CR1L: variants seen among roughly 807,000 people sequenced by gnomAD.
CR1L encodes the protein complement component receptor 1-like protein.
CR1L carries 59 observed loss-of-function variants against 62.3 expected under a neutral mutation model. That is an observed-to-expected ratio of 0.95 (90% CI 0.77 to 1.18). CR1L has a LOEUF of 1.18. Ranked by LOEUF, CR1L falls within the 50% of genes most tolerant of loss-of-function variation. The pLI is 0.00. For synonymous variants in CR1L, 279 were observed against 248.7 expected, an observed-to-expected ratio of 1.12 and a Z score of -1.15; for missense variants, 700 against 702.8, an observed-to-expected ratio of 1.00 and a Z score of 0.04.
At chr1:207,692,563 C>CACCT (rs1168800062) in intron 4 of CR1L, among the ~76,000 whole-genome samples, 5 of 152,160 alleles carry the variant, frequency 3.3e-5, no homozygotes, top group African/African-American at 9.7e-5. Flanking sequence ...CTGCCGTGAC[C>CACCT]ACCTCTCAGT....
intron 1 of CR1L, among the ~76,000 whole-genome samples, chr1:207,649,689 T>A (rs893265211): frequency 6.6e-6 from 1 of 152,162 alleles, no homozygotes; most frequent in African/African-American, 2.4e-5. Flanking sequence ...CTAACTGGAA[T>A]GTATTCTTGG....
At chr1:207,719,513 A>G (rs886464046) in intron 11 of CR1L, among the ~76,000 whole-genome samples, 1 of 152,060 alleles carries the variant, frequency 6.6e-6, no homozygotes, top group East Asian at 1.9e-4. Context: ...TGAGCCCAGG[A>G]GTTCAAGTGC....
At chr1:207,645,599 G>A (rs1663109242) in intron 1 of CR1L, among the ~76,000 whole-genome samples, 1 of 152,180 alleles carries the variant, frequency 6.6e-6, no homozygotes, top group Non-Finnish European at 1.5e-5. Context: ...AGCGTGAATC[G>A]TGTTTTCGGG....
chr1:207,708,862 A>C (rs1664310152), intron 10 of CR1L: 1 of 406,778 alleles, frequency 2.5e-6, no homozygotes, highest in African/African-American at 2.1e-5. Context: ...AAGTGGGAAC[A>C]AACTTTGTAG....
At chr1:207,713,682 G>A (rs1653888034) in intron 10 of CR1L, among the ~76,000 whole-genome samples, 1 of 152,274 alleles carries the variant, frequency 6.6e-6, no homozygotes, top group Admixed American at 6.5e-5. Context: ...CGGGCTCCGT[G>A]CAAGGCTTGT....
rs1558016241 is a variant in CR1L at position 207,677,568 on chromosome 1, CG to C, written c.277+1del. The C allele has an allele frequency of 6.2e-6, 10 of 1,612,144 alleles. No individual in the cohort carries two copies. Among genetic ancestry groups the C allele is most frequent in the Non-Finnish European group, 8.5e-6 (10 of 1,179,304 alleles). Reference sequence around the variant, plus strand: ...GACAAGTGCTAAGGACAAGTGCAAACGTAAGTAACTCTGGAGTGGGAACCCC... The same window carrying C: ...GACAAGTGCTAAGGACAAGTGCAAACTAAGTAACTCTGGAGTGGGAACCCC... On this transcript the variant is annotated splice_donor_variant, in intron 2 of 11. Coordinates refer to ENST00000508064, the MANE Select transcript of CR1L (RefSeq NM_175710.2). LOFTEE classifies it high-confidence loss of function.
intron 3 of CR1L, among the ~76,000 whole-genome samples, chr1:207,682,691 G>T (rs1663818996): frequency 6.6e-6 from 1 of 152,120 alleles, no homozygotes; most frequent in African/African-American, 2.4e-5. Context: ...CAATAACCAT[G>T]ACTGTTACTT....
At chr1:207,681,330 C>T (rs1213492077) in intron 3 of CR1L, among the ~76,000 whole-genome samples, 1 of 152,140 alleles carries the variant, frequency 6.6e-6, no homozygotes, top group African/African-American at 2.4e-5. Context: ...GAATCCACAA[C>T]TCTCTCTTCC....
In CR1L at chr1:207,682,960, T is replaced by TTTTCTTTCTTTCTTTCTTTCTTTCTTTC. The variant is rs141205339; in HGVS notation, c.378-908_378-881dup. Among the ~76,000 whole-genome samples, 1,341 of 140,104 alleles carry TTTTCTTTCTTTCTTTCTTTCTTTCTTTC rather than the reference T, an allele frequency of 9.6e-3. 33 individuals carry two copies. The highest frequency in any genetic ancestry group is 0.033 in the African/African-American group (1,273 of 38,444). 91.9% of individuals were successfully genotyped at this position (140,104 alleles called of 152,430 possible). A position where few individuals can be genotyped will look rare whatever the true frequency, so the allele number is the denominator to read the frequency against. On this transcript the variant is annotated intron_variant, in intron 3 of 11. Transcript: ENST00000508064. ...TGCCTTTGGTTCTAGTTATAAATCA[T>TTTTCTTTCTTTCTTTCTTTCTTTCTTTC]TTTCTTTCTTTCTTTCTTTCTTTCT...
At chr1:207,645,390 C>A in intron 1 of CR1L, 60 bp downstream of exon 1, 1 of 1,574,904 alleles carries the variant, frequency 6.3e-7, no homozygotes, top group Non-Finnish European at 8.7e-7. Context: ...CTCAGTCAGT[C>A]GGGCAGGAGG....
At chr1:207,687,746 T>A (rs1663935018) in intron 4 of CR1L, among the ~76,000 whole-genome samples, 1 of 152,236 alleles carries the variant, frequency 6.6e-6, no homozygotes, top group East Asian at 1.9e-4. Context: ...GAAGGGCCTA[T>A]TCCAAACTTT....
chr1:207,669,382 G>T, intron 1 of CR1L: 1 of 1,061,134 alleles, frequency 9.4e-7, no homozygotes, highest in African/African-American at 1.7e-5. Flanking sequence ...TTTGCACTGC[G>T]CTTTTCCTCT....
chr1:207,669,526 C>A (rs2102452118), intron 1 of CR1L: 6 of 1,578,008 alleles, frequency 3.8e-6, no homozygotes, highest in Non-Finnish European at 5.1e-6. Context: ...AGGATCCCTG[C>A]TGGCGGTCGT....
At chr1:207,648,598 T>C (rs1000798928) in intron 1 of CR1L, among the ~76,000 whole-genome samples, 6 of 152,194 alleles carry the variant, frequency 3.9e-5, no homozygotes, top group Non-Finnish European at 4.4e-5. Context: ...ATGTGTCAAA[T>C]TTCAGGCCAG....
intron 1 of CR1L, among the ~76,000 whole-genome samples, chr1:207,674,236 G>A (rs1178056318): frequency 1.3e-5 from 2 of 152,200 alleles, no homozygotes; most frequent in African/African-American, 2.4e-5. Context: ...ACTGTGTGGG[G>A]TGAAGGGTAT....
intron 1 of CR1L, among the ~76,000 whole-genome samples, chr1:207,649,414 A>G (rs1248031276): frequency 6.6e-6 from 1 of 152,224 alleles, no homozygotes; most frequent in Non-Finnish European, 1.5e-5. Context: ...TCGTAAACTC[A>G]GACTTTGGTA....
intron 1 of CR1L, among the ~76,000 whole-genome samples, chr1:207,670,097 G>T (rs1474062127): frequency 4.0e-5 from 6 of 150,956 alleles, no homozygotes; most frequent in Non-Finnish European, 8.8e-5. Flanking sequence ...GCCTGTCCCC[G>T]AGTCCATTTC....
intron 4 of CR1L, among the ~76,000 whole-genome samples, chr1:207,686,417 T>C (rs1663913616): frequency 6.6e-6 from 1 of 151,952 alleles, no homozygotes; most frequent in Non-Finnish European, 1.5e-5. Flanking sequence ...TTATTAAAAA[T>C]TTTTTGTCTT....
chr1:207,721,126 T>C (rs2102485954), intron 11 of CR1L, among the ~76,000 whole-genome samples: 2 of 152,340 alleles, frequency 1.3e-5, no homozygotes, highest in Middle Eastern at 3.4e-3. Context: ...CTTTCTACTT[T>C]GGCACATAAA....
Sources: allele counts gnomAD v4.1 joint callset (sites outside exome capture counted in the v4.1 genomes callset), GRCh38; gene constraint gnomAD v4.1.1; transcripts MANE v1.5; gene names NCBI Gene and HGNC (gene_info 2026-07-23, HGNC 2026-07-21).